The following PLPPR5 variants were observed in gnomAD, a reference collection of about 807,000 sequenced individuals.
PLPPR5 encodes the protein phospholipid phosphatase-related protein type 5.
A neutral mutation model predicts 33.9 loss-of-function variants in PLPPR5; 16 were observed. The observed-to-expected ratio is 0.47, with a 90% CI of 0.32 to 0.72. PLPPR5 has a LOEUF of 0.72. Among genes scored for constraint, PLPPR5 ranks in the 30% least tolerant of loss-of-function variants. PLPPR5 has a pLI of 0.03. For missense variants in PLPPR5, 301 were observed against 406.7 expected, an observed-to-expected ratio of 0.74 and a Z score of 2.23; for synonymous variants, 163 against 150.3, an observed-to-expected ratio of 1.08 and a Z score of -0.62.
chr1:98,974,656 A>T (rs1360152), intron 1 of PLPPR5, among the ~76,000 whole-genome samples: 28,554 of 151,952 alleles, frequency 0.19, 2,766 homozygotes, highest in East Asian at 0.26. Flanking sequence ...AAAACTCTGA[A>T]CTGAGGCAGG....
chr1:98,936,660 G>T (rs1029775129), intron 3 of PLPPR5, among the ~76,000 whole-genome samples: 8 of 152,172 alleles, frequency 5.3e-5, no homozygotes, highest in Non-Finnish European at 1.0e-4. Context: ...AGGTGTATCA[G>T]ACAGTCTCTG....
At chr1:98,942,369 T>C (rs2101194069) in intron 3 of PLPPR5, among the ~76,000 whole-genome samples, 1 of 152,316 alleles carries the variant, frequency 6.6e-6, no homozygotes, top group East Asian at 1.9e-4. Flanking sequence ...TTTTCCTATA[T>C]GTTAAGGCAC....
chr1:98,980,235 C>T (rs1300178257), intron 1 of PLPPR5, among the ~76,000 whole-genome samples: 1 of 152,036 alleles, frequency 6.6e-6, no homozygotes, highest in Non-Finnish European at 1.5e-5. Context: ...ACTTTTGTTC[C>T]TCATAGTGTG....
chr1:98,901,952 A>C (rs935165610), intron 5 of PLPPR5, among the ~76,000 whole-genome samples: 3 of 152,096 alleles, frequency 2.0e-5, no homozygotes, highest in African/African-American at 7.2e-5. Flanking sequence ...TAATCTTATA[A>C]TATCATGCAG....
intron 1 of PLPPR5, among the ~76,000 whole-genome samples, chr1:98,995,726 C>T (rs889708654): frequency 7.2e-5 from 11 of 152,138 alleles, no homozygotes; most frequent in East Asian, 5.8e-4. Flanking sequence ...TTCTCAAGGA[C>T]GGAGAGATGG....
chr1:98,905,057 G>C (rs1297551669), intron 5 of PLPPR5, among the ~76,000 whole-genome samples: 1 of 152,120 alleles, frequency 6.6e-6, no homozygotes, highest in Non-Finnish European at 1.5e-5. Flanking sequence ...GGATTCTTAC[G>C]ATAGCCTTTC....
intron 1 of PLPPR5, among the ~76,000 whole-genome samples, chr1:98,959,268 C>A (rs1651136814): frequency 6.6e-6 from 1 of 152,140 alleles, no homozygotes; most frequent in Non-Finnish European, 1.5e-5. Context: ...CCACTTTTCC[C>A]GGGGCTCTCT....
intron 3 of PLPPR5, among the ~76,000 whole-genome samples, chr1:98,948,720 G>T (rs974347301): frequency 3.3e-5 from 5 of 152,176 alleles, no homozygotes; most frequent in Non-Finnish European, 7.4e-5. Context: ...TGTTGAGAAG[G>T]AGAGAGGCCC....
chr1:98,998,160 C>G (rs4908219), intron 1 of PLPPR5, among the ~76,000 whole-genome samples: 36,814 of 151,946 alleles, frequency 0.24, 4,598 homozygotes, highest in East Asian at 0.4. Context: ...GGAGAAAAAT[C>G]AGTATGAGTG....
At chr1:98,912,330 C>A (rs1649181840) in intron 5 of PLPPR5, among the ~76,000 whole-genome samples, 1 of 152,128 alleles carries the variant, frequency 6.6e-6, no homozygotes. Flanking sequence ...GAAATTAGAA[C>A]AATTCAATGG....
chr1:98,959,814 A>G (rs1193147612), intron 1 of PLPPR5, among the ~76,000 whole-genome samples: 1 of 152,158 alleles, frequency 6.6e-6, no homozygotes, highest in East Asian at 1.9e-4. Context: ...TTAAGAAGGT[A>G]TGTTATGGTA....
At chr1:98,964,510 C>T (rs956886282) in intron 1 of PLPPR5, among the ~76,000 whole-genome samples, 7 of 152,286 alleles carry the variant, frequency 4.6e-5, no homozygotes, top group African/African-American at 1.7e-4. Context: ...AAAAAGGACT[C>T]TGCTGGTAGA....
intron 3 of PLPPR5, among the ~76,000 whole-genome samples, chr1:98,952,195 G>A (rs1330840485): frequency 2.7e-5 from 4 of 150,930 alleles, no homozygotes; most frequent in African/African-American, 4.9e-5. Context: ...CCTGGGAGGC[G>A]GAGCTTGCAG....
At chr1:98,991,731 C>CGG (rs1652457431) in intron 1 of PLPPR5, among the ~76,000 whole-genome samples, 1 of 152,142 alleles carries the variant, frequency 6.6e-6, no homozygotes, top group Non-Finnish European at 1.5e-5. Flanking sequence ...CACTGGAAGG[C>CGG]GGAGCATCCC....
At chr1:98,960,153 A>G (rs1393988310) in intron 1 of PLPPR5, among the ~76,000 whole-genome samples, 1 of 151,836 alleles carries the variant, frequency 6.6e-6, no homozygotes, top group Non-Finnish European at 1.5e-5. Flanking sequence ...TCCCCCACCC[A>G]ACTTCCTGAG....
At position 98,892,723 on chromosome 1, in the gene PLPPR5, G is replaced by A. The variant is rs142347689; in HGVS notation, c.*349C>T. The A allele has an allele frequency of 6.2e-3, 1,236 of 198,524 alleles. 11 individuals are homozygous for A. Among genetic ancestry groups the A allele is most frequent in the Admixed American group, 0.012 (202 of 16,482 alleles). 12.3% of individuals were successfully genotyped at this position (198,524 alleles called of 1,614,324 possible). ...ATAGAAGGTTTTCATACACAAATAC[G>A]ATTTATGTAGAGATTTCTTTTAACA... On this transcript the variant is annotated 3_prime_UTR_variant, in exon 6 of 6. Transcript: ENST00000263177.
intron 5 of PLPPR5, among the ~76,000 whole-genome samples, chr1:98,893,310 A>C (rs1374650730): frequency 2.6e-5 from 4 of 152,102 alleles, no homozygotes; most frequent in Non-Finnish European, 5.9e-5. Context: ...AATTATACAA[A>C]TAGATTAAAA....
rs371678539 is a variant in PLPPR5, at chr1:98,926,303, T to C, written c.622-4245A>G. Among the ~76,000 whole-genome samples, 157 of 152,194 alleles carry C rather than the reference T, an allele frequency of 1.0e-3. 3 individuals carry two copies. In the South Asian group the frequency reaches 0.031, roughly 30 times the overall value. ...TACAACTGACCAGCCCAGAGTGCAG[T>C]TGAGATTTTTCCAGATTGCACCCTA... On this transcript the variant is annotated intron_variant, in intron 3 of 5. Coordinates refer to ENST00000263177, the MANE Select transcript of PLPPR5 (RefSeq NM_001037317.2).
At chr1:98,932,093 G>A (rs1294027812) in intron 3 of PLPPR5, among the ~76,000 whole-genome samples, 1 of 152,118 alleles carries the variant, frequency 6.6e-6, no homozygotes. Context: ...AGGCCTCAGT[G>A]GCCAACAGAA....
Sources: allele counts gnomAD v4.1 joint callset (sites outside exome capture counted in the v4.1 genomes callset), GRCh38; gene constraint gnomAD v4.1.1; transcripts MANE v1.5; gene names NCBI Gene and HGNC (gene_info 2026-07-23, HGNC 2026-07-21).